The following RPS6KC1 variants were observed in gnomAD, a reference collection of about 807,000 sequenced individuals.
The protein encoded by RPS6KC1 is inactive ribosomal protein S6 kinase delta-1.
A neutral mutation model predicts 103.8 loss-of-function variants in RPS6KC1; 54 were observed. The observed-to-expected ratio is 0.52, with a 90% CI of 0.42 to 0.65. The LOEUF is 0.65. RPS6KC1 is among the 30% of genes least tolerant of loss of function. The probability of loss-of-function intolerance (pLI) is 0.00; values close to 1 mark genes in which losing one functional copy is unlikely to be tolerated. For missense variants in RPS6KC1, 1,151 were observed against 1,253.8 expected (o/e 0.92, Z 1.24); for synonymous variants, 439 against 438.7 (o/e 1.00, Z -0.01).
chr1:213,679,903 G>T, the RPS6KC1 span, among the ~76,000 whole-genome samples: 7 of 152,156 alleles, frequency 4.6e-5, no homozygotes, highest in Admixed American at 4.6e-4. Context: ...TTGTAGATAT[G>T]CCTCTATTTA....
chr1:213,399,654 C>T, the RPS6KC1 span, among the ~76,000 whole-genome samples: 1 of 152,066 alleles, frequency 6.6e-6, no homozygotes, highest in African/African-American at 2.4e-5. Context: ...AGCCGCCCAC[C>T]CTCTCCTCCC....
chr1:213,715,703 A>C, the RPS6KC1 span, among the ~76,000 whole-genome samples: 727 of 152,374 alleles, frequency 4.8e-3, 7 homozygotes, highest in African/African-American at 0.016. Flanking sequence ...CCTGGATCCC[A>C]GTAATGCAAT....
the RPS6KC1 span, among the ~76,000 whole-genome samples, chr1:213,461,636 A>G: frequency 6.6e-6 from 1 of 152,156 alleles, no homozygotes; most frequent in Non-Finnish European, 1.5e-5. Flanking sequence ...CACATCTACA[A>G]CCGTCTGATC....
intron 10 of RPS6KC1, 127 bp from the exon 11 acceptor site, chr1:213,240,575 A>T: frequency 1.3e-6 from 1 of 768,300 alleles, no homozygotes; most frequent in South Asian, 1.8e-5. Context: ...ATGGCACACG[A>T]TATTAATGGA....
At chr1:213,127,051 G>GT (rs1253705920) in intron 5 of RPS6KC1, among the ~76,000 whole-genome samples, 1 of 151,966 alleles carries the variant, frequency 6.6e-6, no homozygotes, top group East Asian at 1.9e-4. Context: ...GCAGATCTCA[G>GT]TTATTTCCAA....
At chr1:213,057,559 A>G (rs986314738) in intron 1 of RPS6KC1, among the ~76,000 whole-genome samples, 1 of 152,086 alleles carries the variant, frequency 6.6e-6, no homozygotes, top group African/African-American at 2.4e-5. Flanking sequence ...TGAGAATGTC[A>G]TATAAATAGA....
chr1:213,459,186 G>C, the RPS6KC1 span, among the ~76,000 whole-genome samples: 1 of 152,184 alleles, frequency 6.6e-6, no homozygotes, highest in African/African-American at 2.4e-5. Context: ...AATGGTACCA[G>C]CTCCTGTTTG....
At chr1:213,114,244 G>A (rs2148862484) in intron 4 of RPS6KC1, among the ~76,000 whole-genome samples, 1 of 151,074 alleles carries the variant, frequency 6.6e-6, no homozygotes, top group East Asian at 1.9e-4. Flanking sequence ...CTTGAGCAGT[G>A]GCTTGTAGTT....
At chr1:213,179,760 A>AT (rs1010411010) in intron 8 of RPS6KC1, among the ~76,000 whole-genome samples, 10 of 152,310 alleles carry the variant, frequency 6.6e-5, no homozygotes, top group Admixed American at 5.9e-4. Context: ...AATAAAGCAG[A>AT]TTTTTTATTA....
intron 1 of RPS6KC1, among the ~76,000 whole-genome samples, chr1:213,055,128 A>G (rs1386113954): frequency 6.6e-6 from 1 of 152,184 alleles, no homozygotes; most frequent in Non-Finnish European, 1.5e-5. Flanking sequence ...TAAGTGTCCA[A>G]TTTGATGAGT....
At chr1:213,569,552 T>C in the RPS6KC1 span, among the ~76,000 whole-genome samples, 1 of 152,212 alleles carries the variant, frequency 6.6e-6, no homozygotes, top group Non-Finnish European at 1.5e-5. Context: ...TATCCAGGGC[T>C]GTTATGCTCG....
the RPS6KC1 span, among the ~76,000 whole-genome samples, chr1:213,795,569 A>G: frequency 6.6e-6 from 1 of 152,178 alleles, no homozygotes; most frequent in Non-Finnish European, 1.5e-5. Flanking sequence ...GAAAATAGGT[A>G]ATTCAAAGGT....
the RPS6KC1 span, among the ~76,000 whole-genome samples, chr1:213,403,286 G>C: frequency 2.0e-5 from 3 of 152,280 alleles, no homozygotes; most frequent in African/African-American, 7.2e-5. Flanking sequence ...TCACTGGGGA[G>C]TCCTGCTGGG....
chr1:213,543,016 G>A, the RPS6KC1 span, among the ~76,000 whole-genome samples: 34 of 152,316 alleles, frequency 2.2e-4, no homozygotes, highest in South Asian at 6.8e-3. Flanking sequence ...CAATAGCTGG[G>A]TGACTAAGAT....
the RPS6KC1 span, among the ~76,000 whole-genome samples, chr1:213,623,041 A>G: frequency 0.02 from 3,116 of 152,238 alleles, 47 homozygotes; most frequent in Non-Finnish European, 0.034. Flanking sequence ...TTCTATCTTC[A>G]GATATGCCTC....
the RPS6KC1 span, among the ~76,000 whole-genome samples, chr1:213,420,775 G>A: frequency 0.37 from 55,505 of 152,046 alleles, 12,061 homozygotes; most frequent in East Asian, 0.47. Flanking sequence ...GGTAGTTTAC[G>A]GGTTTACTCT....
chr1:213,593,804 T>C, the RPS6KC1 span, among the ~76,000 whole-genome samples: 1 of 152,164 alleles, frequency 6.6e-6, no homozygotes, highest in South Asian at 2.1e-4. Flanking sequence ...ATACAATGGC[T>C]ATTGGGCTAT....
chr1:213,182,308 A>G (rs568214238), intron 8 of RPS6KC1, among the ~76,000 whole-genome samples: 30 of 152,298 alleles, frequency 2.0e-4, no homozygotes, highest in South Asian at 4.1e-4. Context: ...CCTGGCCAAC[A>G]TGGTGAAAAC....
intron 8 of RPS6KC1, among the ~76,000 whole-genome samples, chr1:213,211,696 G>A (rs1051398728): frequency 1.3e-5 from 2 of 152,124 alleles, no homozygotes; most frequent in Admixed American, 6.5e-5. Context: ...TCACATTTTA[G>A]TATGAGACAT....
Sources: allele counts gnomAD v4.1 joint callset (sites outside exome capture counted in the v4.1 genomes callset), GRCh38; gene constraint gnomAD v4.1.1; transcripts MANE v1.5; gene names NCBI Gene and HGNC (gene_info 2026-07-23, HGNC 2026-07-21).